CNOT4: variants seen among roughly 807,000 people sequenced by gnomAD.
The protein encoded by CNOT4 is CCR4-NOT transcription complex subunit 4.
A neutral mutation model predicts 73.8 loss-of-function variants in CNOT4; 8 were observed. The observed-to-expected ratio is 0.11, with a 90% CI of 0.06 to 0.20. The LOEUF (loss-of-function observed/expected upper bound fraction) is 0.20. Ranked by LOEUF, CNOT4 falls within the 10% of genes least tolerant of loss-of-function variation. The pLI is 1.00. For missense variants in CNOT4, 564 were observed against 883.4 expected (o/e 0.64, Z 4.58); for synonymous variants, 293 against 321.1 (o/e 0.91, Z 0.94).
intron 1 of CNOT4, among the ~76,000 whole-genome samples, chr7:135,471,065 T>C (rs1033052380): frequency 1.3e-5 from 2 of 152,248 alleles, no homozygotes; most frequent in South Asian, 2.1e-4. Context: ...GCCTACTATA[T>C]GTAATTTCAT....
intron 7 of CNOT4, among the ~76,000 whole-genome samples, chr7:135,398,695 G>A (rs1412633200): frequency 6.6e-6 from 1 of 151,846 alleles, no homozygotes; most frequent in East Asian, 1.9e-4. Context: ...AAAAATAATG[G>A]GTAAAATAAT....
intron 10 of CNOT4, among the ~76,000 whole-genome samples, chr7:135,380,023 T>C (rs1485549798): frequency 6.6e-6 from 1 of 152,234 alleles, no homozygotes; most frequent in African/African-American, 2.4e-5. Context: ...TGCAGATTTC[T>C]TGCATTTCTT....
chr7:135,395,988 T>C, intron 8 of CNOT4, 105 bp from the exon 9 acceptor site: 1 of 700,060 alleles, frequency 1.4e-6, no homozygotes, highest in Non-Finnish European at 2.4e-6. Context: ...TTTCACAAAC[T>C]GGTACTTGAA....
intron 10 of CNOT4, among the ~76,000 whole-genome samples, chr7:135,393,326 G>C (rs765745599): frequency 6.6e-6 from 1 of 152,126 alleles, no homozygotes; most frequent in Non-Finnish European, 1.5e-5. Context: ...AAATGGGAAA[G>C]TATCTTTCCT....
intron 1 of CNOT4, among the ~76,000 whole-genome samples, chr7:135,445,200 A>C (rs1299220524): frequency 1.3e-5 from 2 of 152,328 alleles, no homozygotes; most frequent in South Asian, 2.1e-4. Flanking sequence ...AGTATAGCTA[A>C]ACATGATATA....
At chr7:135,427,391 C>T (rs552204851) in intron 2 of CNOT4, among the ~76,000 whole-genome samples, 37 of 151,974 alleles carry the variant, frequency 2.4e-4, no homozygotes, top group Admixed American at 8.5e-4. Flanking sequence ...AGGGCTTATT[C>T]TTTTTCTGAT....
At chr7:135,485,094 G>A (rs1023816025) in intron 1 of CNOT4, among the ~76,000 whole-genome samples, 10 of 152,206 alleles carry the variant, frequency 6.6e-5, no homozygotes, top group Non-Finnish European at 1.5e-4. Flanking sequence ...TGTTTTTTGA[G>A]ATGGAGTCTC....
intron 1 of CNOT4, among the ~76,000 whole-genome samples, chr7:135,443,185 T>C (rs1210985498): frequency 9.4e-6 from 1 of 106,714 alleles, no homozygotes; most frequent in Non-Finnish European, 2.0e-5. Flanking sequence ...ACCCTATCTC[T>C]ACCAAAAAAA....
intron 1 of CNOT4, among the ~76,000 whole-genome samples, chr7:135,487,393 C>A (rs1228735025): frequency 6.6e-6 from 1 of 151,736 alleles, no homozygotes; most frequent in African/African-American, 2.4e-5. Context: ...ACCACCACAC[C>A]CAGATAATTT....
intron 10 of CNOT4, chr7:135,388,333 TTA>T: frequency 1.0e-6 from 1 of 985,068 alleles, no homozygotes; most frequent in South Asian, 4.7e-5. Flanking sequence ...CAATTTTGTT[TTA>T]TATGTATTCT....
At chr7:135,377,749 T>C (rs1412064986) in intron 10 of CNOT4, among the ~76,000 whole-genome samples, 2 of 152,202 alleles carry the variant, frequency 1.3e-5, no homozygotes, top group Non-Finnish European at 2.9e-5. Flanking sequence ...TATAGTTATT[T>C]AAGTGTTCAT....
chr7:135,457,759 GA>G (rs1800635044), intron 1 of CNOT4, among the ~76,000 whole-genome samples: 2 of 151,932 alleles, frequency 1.3e-5, no homozygotes, highest in South Asian at 4.1e-4. Context: ...GCAACAATTA[GA>G]AAAAATATCT....
chr7:135,443,564 G>A (rs1320183771), intron 1 of CNOT4, among the ~76,000 whole-genome samples: 1 of 152,184 alleles, frequency 6.6e-6, no homozygotes, highest in Non-Finnish European at 1.5e-5. Context: ...ATACTTGGAA[G>A]TGGAGTGCAA....
At chr7:135,388,609 T>TTAAAAA (rs1796243176) in intron 10 of CNOT4, 6 of 1,211,528 alleles carry the variant, frequency 5.0e-6, no homozygotes, top group Non-Finnish European at 4.1e-6. Flanking sequence ...ATAAATTATG[T>TTAAAAA]TAAAGGCCTA....
At chr7:135,463,518 C>T (rs1270855073) in intron 1 of CNOT4, among the ~76,000 whole-genome samples, 2 of 142,726 alleles carry the variant, frequency 1.4e-5, no homozygotes, top group Non-Finnish European at 3.0e-5. Context: ...GCCTGGGGGA[C>T]GACAGTGAGA....
Position 135,510,085 on chromosome 7 carries a change from T to C in CNOT4, c.-289A>G. On this transcript the variant is annotated 5_prime_UTR_variant, in exon 1 of 12. An upstream start codon of the reference 5' UTR is lost. Transcript: ENST00000541284. ...CAGCCAGACGGGCCACCATCTTACA[T>C]TAGGGTAAGACTCCTCCGGCCTCCC... 1 of 398,824 alleles carries C rather than the reference T, an allele frequency of 2.5e-6. No individual in the cohort carries two copies. The highest frequency in any genetic ancestry group is 4.4e-6 in the Non-Finnish European group (1 of 226,026). 24.7% of individuals were successfully genotyped at this position (398,824 alleles called of 1,614,324 possible).
chr7:135,379,405 C>T (rs964514732), intron 10 of CNOT4, among the ~76,000 whole-genome samples: 1 of 152,118 alleles, frequency 6.6e-6, no homozygotes, highest in Admixed American at 6.5e-5. Context: ...TTACACTTGT[C>T]TGGAACCAGG....
intron 1 of CNOT4, among the ~76,000 whole-genome samples, chr7:135,439,650 C>T (rs1032428678): frequency 6.6e-6 from 1 of 152,104 alleles, no homozygotes; most frequent in African/African-American, 2.4e-5. Context: ...CATGGTGGCG[C>T]ACACTGTAGT....
intron 1 of CNOT4, among the ~76,000 whole-genome samples, chr7:135,473,563 A>G (rs890167480): frequency 1.4e-4 from 22 of 152,170 alleles, no homozygotes; most frequent in Admixed American, 8.5e-4. Context: ...CCTGGGCAAC[A>G]TGGCATAATC....
Sources: gnomAD v4.1 joint callset for allele counts (sites outside exome capture counted in the v4.1 genomes callset) on GRCh38, gnomAD v4.1.1 for gene constraint, MANE v1.5 for transcripts, NCBI Gene and HGNC (gene_info 2026-07-23, HGNC 2026-07-21) for gene names.